Variants in ARFGEF2 observed in about 807,000 individuals in gnomAD.
The protein encoded by ARFGEF2 is brefeldin A-inhibited guanine nucleotide-exchange protein 2.
ARFGEF2 carries 74 observed loss-of-function variants against 219.9 expected under a neutral mutation model. The observed-to-expected ratio is 0.34, with a 90% CI of 0.28 to 0.41. The LOEUF is 0.41. ARFGEF2 is among the 10% of genes least tolerant of loss of function. The pLI, the probability that ARFGEF2 is intolerant of heterozygous loss-of-function variation, is 1.00. For missense variants in ARFGEF2, 1,743 were observed against 2,218.3 expected, an observed-to-expected ratio of 0.79 and a Z score of 4.30; for synonymous variants, 733 against 799.2, an observed-to-expected ratio of 0.92 and a Z score of 1.40.
intron 9 of ARFGEF2, among the ~76,000 whole-genome samples, chr20:48,970,267 A>G (rs1309855715): frequency 6.6e-6 from 1 of 151,724 alleles, no homozygotes; most frequent in Non-Finnish European, 1.5e-5. Flanking sequence ...GTGAGCTGAG[A>G]TCGTGTCACT....
chr20:48,925,811 G>A (rs543826619), intron 1 of ARFGEF2, among the ~76,000 whole-genome samples: 4 of 152,190 alleles, frequency 2.6e-5, no homozygotes, highest in East Asian at 1.9e-4. Flanking sequence ...CACTCCAGCC[G>A]AGACAGCAGG....
rs770443871 is a variant in ARFGEF2, at chr20:48,991,126, C to T, written c.2901C>T (p.Asn967=). ...GCATCACAGAAATGAAGCAGAAAAA[C>T]ATCGACACCATTAAGACGCTTATCA... ...SSSITEMKQK[N]IDTIKTLITV... is the part of the protein sequence containing the mutation. The change falls in exon 21 of 39, where the codon AAC becomes AAT. Residue 967 remains asparagine (N), a synonymous_variant. Transcript: ENST00000371917. 19 of 1,614,178 alleles carry T rather than the reference C, an allele frequency of 1.2e-5. No homozygotes were observed. Among genetic ancestry groups the T allele is most frequent in the Non-Finnish European group, 1.6e-5 (19 of 1,180,036 alleles).
rs769880911 is a variant in ARFGEF2, at chr20:48,966,008, G to A, written c.1044G>A (p.Ser348=). The change falls in exon 8 of 39, where the codon TCG becomes TCA. Residue 348 remains serine, a synonymous_variant. Coordinates refer to ENST00000371917, the MANE Select transcript of ARFGEF2 (RefSeq NM_006420.3). ...TAGCCGATGACAGGCAGTCCTTGTC[G>A]TCAGCAGATAATCTGGTATGTTGGT... ...NGIADDRQSL[S]SADNLESDAQ... 38 of 1,613,908 alleles carry A rather than the reference G, an allele frequency of 2.4e-5. No individual in the cohort carries two copies. Among genetic ancestry groups the A allele is most frequent in the African/African-American group, 4.0e-5 (3 of 74,902 alleles).
intron 16 of ARFGEF2, among the ~76,000 whole-genome samples, chr20:48,987,654 C>G (rs1455900228): frequency 6.6e-6 from 1 of 152,174 alleles, no homozygotes; most frequent in Non-Finnish European, 1.5e-5. Flanking sequence ...TGCCCTCTCT[C>G]AGGGTCAGCA....
chr20:48,963,813 T>C lies in ARFGEF2; in HGVS notation c.839-17T>C. ...AAAATGCCCACGTGTGTTTTGTATA[T>C]TTGGATGTGTGTGTAGGGACTGATG... is the stretch of plus-strand genomic sequence containing the variant. On this transcript the variant is annotated splice_polypyrimidine_tract_variant and intron_variant, in intron 6 of 38. Transcript: ENST00000371917. 1 of 1,613,090 alleles carries C rather than the reference T, an allele frequency of 6.2e-7. No homozygotes were observed. Among genetic ancestry groups the C allele is most frequent in the Non-Finnish European group, 8.5e-7 (1 of 1,179,140 alleles).
At position 49,016,433 on chromosome 20, in the gene ARFGEF2, A is replaced by G. The variant is rs779404325; in HGVS notation, c.4315+18A>G. On this transcript the variant is annotated intron_variant, in intron 31 of 38. Coordinates refer to ENST00000371917, the MANE Select transcript of ARFGEF2 (RefSeq NM_006420.3). ...CAAACAAGGTACTCTTTAAGCCTCT[A>G]GGCATCATTTTTCTTACATAGTCTT... is the stretch of plus-strand genomic sequence containing the variant. 1 of 1,609,366 alleles carries G rather than the reference A, an allele frequency of 6.2e-7. No individual in the cohort carries two copies. The highest frequency in any genetic ancestry group is 8.5e-7 in the Non-Finnish European group (1 of 1,179,824).
chr20:49,031,904 C>A, intron 37 of ARFGEF2, 145 bp from the exon 38 acceptor site: 1 of 721,368 alleles, frequency 1.4e-6, no homozygotes, highest in Non-Finnish European at 2.4e-6. Context: ...GGCCGCAGAG[C>A]AAGACCCTGT....
intron 25 of ARFGEF2, among the ~76,000 whole-genome samples, chr20:49,004,395 A>G (rs2091443940): frequency 6.6e-6 from 1 of 152,110 alleles, no homozygotes; most frequent in Non-Finnish European, 1.5e-5. Flanking sequence ...AATGTATACT[A>G]CTGAACTGTT....
intron 7 of ARFGEF2, among the ~76,000 whole-genome samples, chr20:48,964,226 G>A (rs2091173989): frequency 6.6e-6 from 1 of 152,160 alleles, no homozygotes; most frequent in African/African-American, 2.4e-5. Context: ...AGCCAATATG[G>A]TGAAACCCTG....
chr20:49,032,976 A>C, intron 38 of ARFGEF2, 47 bp from the exon 39 acceptor site: 1 of 1,579,756 alleles, frequency 6.3e-7, no homozygotes, highest in South Asian at 1.1e-5. Context: ...TGGTGCCCAA[A>C]AAAAAAAAAA....
chr20:48,937,490 T>C (rs902133248), intron 1 of ARFGEF2, among the ~76,000 whole-genome samples: 3 of 152,202 alleles, frequency 2.0e-5, no homozygotes, highest in African/African-American at 7.2e-5. Context: ...TAAACTGATC[T>C]GCCCACCTCA....
At chr20:48,931,824 G>C (rs1427345413) in intron 1 of ARFGEF2, among the ~76,000 whole-genome samples, 3 of 152,230 alleles carry the variant, frequency 2.0e-5, no homozygotes, top group Non-Finnish European at 4.4e-5. Flanking sequence ...TAGAGGTTTG[G>C]AGGCCAAGAT....
intron 21 of ARFGEF2, among the ~76,000 whole-genome samples, chr20:48,991,978 A>G (rs2091360059): frequency 6.6e-6 from 1 of 152,222 alleles, no homozygotes; most frequent in Non-Finnish European, 1.5e-5. Flanking sequence ...ACAGAGAAGC[A>G]TGTTAGATAT....
intron 3 of ARFGEF2, among the ~76,000 whole-genome samples, chr20:48,950,839 T>TATATATATATATATATATATAG (rs2091065882): frequency 7.5e-6 from 1 of 133,180 alleles, no homozygotes. Flanking sequence ...TATATATATA[T>TATATATATATATATATATATAG]ATATATATGT....
chr20:48,989,951 AG>A (rs2091347864), intron 20 of ARFGEF2, among the ~76,000 whole-genome samples: 1 of 152,194 alleles, frequency 6.6e-6, no homozygotes, highest in South Asian at 2.1e-4. Flanking sequence ...AGGCCAAGGC[AG>A]GCAGATCACC....
chr20:48,961,027 C>T (rs1366696110), intron 6 of ARFGEF2, among the ~76,000 whole-genome samples: 1 of 150,274 alleles, frequency 6.7e-6, no homozygotes, highest in Non-Finnish European at 1.5e-5. Flanking sequence ...TTGCAGTGAA[C>T]CGAGATTGTG....
intron 6 of ARFGEF2, among the ~76,000 whole-genome samples, chr20:48,956,299 GAAT>G (rs1347620780): frequency 6.6e-6 from 1 of 152,166 alleles, no homozygotes; most frequent in East Asian, 1.9e-4. Context: ...AATTAACTGG[GAAT>G]CCCCCCCACA....
In ARFGEF2 at chr20:49,036,074, C is replaced by T. The variant is rs972600151; in HGVS notation, c.*2875C>T. 33 of 397,376 alleles carry T rather than the reference C, an allele frequency of 8.3e-5. No homozygotes were observed. Among genetic ancestry groups the T allele is most frequent in the Non-Finnish European group, 8.9e-6 (2 of 225,742 alleles). 24.6% of individuals were successfully genotyped at this position (397,376 alleles called of 1,614,324 possible). On this transcript the variant is annotated 3_prime_UTR_variant, in exon 39 of 39. Coordinates refer to ENST00000371917, the MANE Select transcript of ARFGEF2 (RefSeq NM_006420.3). ...TTAGTAGTCTTTGTTATTAAAGGAA[C>T]CTGCTGATAAGTACAAGTGTGACCA... is the stretch of plus-strand genomic sequence containing the variant.
chr20:48,947,877 A>T (rs1398435341), intron 3 of ARFGEF2, among the ~76,000 whole-genome samples: 1 of 152,220 alleles, frequency 6.6e-6, no homozygotes, highest in African/African-American at 2.4e-5. Context: ...ATAAATAAAT[A>T]AATTACATAT....
Sources: allele counts gnomAD v4.1 joint callset (sites outside exome capture counted in the v4.1 genomes callset), GRCh38; gene constraint gnomAD v4.1.1; transcripts MANE v1.5; gene names NCBI Gene and HGNC (gene_info 2026-07-23, HGNC 2026-07-21).